SLAIN2: variants seen among roughly 807,000 people sequenced by gnomAD.
The protein encoded by SLAIN2 is SLAIN motif-containing protein 2.
Under a neutral mutation model 56.6 loss-of-function variants are expected in SLAIN2, and 31 were observed. The ratio of observed to expected loss-of-function variants is 0.55; its 90% confidence interval spans 0.41 to 0.74. The LOEUF (loss-of-function observed/expected upper bound fraction) is 0.74. SLAIN2 is among the 30% of genes least tolerant of loss of function. The pLI, the probability that SLAIN2 is intolerant of heterozygous loss-of-function variation, is 0.00. For synonymous variants in SLAIN2, 317 were observed against 284.9 expected (o/e 1.11, Z -1.13); for missense variants, 777 against 754.2 (o/e 1.03, Z -0.35).
intron 3 of SLAIN2, among the ~76,000 whole-genome samples, chr4:48,379,459 A>AT (rs1259834531): frequency 6.6e-6 from 1 of 152,124 alleles, no homozygotes. Context: ...AAGAGAATAG[A>AT]TAAGTTATAC....
chr4:48,343,254 C>T (rs1714774511), intron 1 of SLAIN2, among the ~76,000 whole-genome samples: 1 of 152,192 alleles, frequency 6.6e-6, no homozygotes, highest in Admixed American at 6.5e-5. Flanking sequence ...CTCTGAGGCT[C>T]ACTTTCTTCT....
intron 2 of SLAIN2, among the ~76,000 whole-genome samples, chr4:48,371,123 T>G (rs1715654015): frequency 6.6e-6 from 1 of 150,402 alleles, no homozygotes; most frequent in Admixed American, 6.6e-5. Context: ...TTTTTTTTTT[T>G]GATATGGAGT....
chr4:48,365,386 G>T (rs1004353494), intron 1 of SLAIN2, among the ~76,000 whole-genome samples: 1 of 129,526 alleles, frequency 7.7e-6, no homozygotes, highest in African/African-American at 2.9e-5. Context: ...AGAACAGCTT[G>T]AACCTGGGAA....
intron 1 of SLAIN2, among the ~76,000 whole-genome samples, chr4:48,360,894 C>G (rs1237088112): frequency 6.6e-6 from 1 of 152,202 alleles, no homozygotes; most frequent in African/African-American, 2.4e-5. Context: ...GCTTCTTTTA[C>G]TTAGCATAAT....
At chr4:48,361,736 A>T (rs1379071308) in intron 1 of SLAIN2, among the ~76,000 whole-genome samples, 1 of 152,072 alleles carries the variant, frequency 6.6e-6, no homozygotes, top group African/African-American at 2.4e-5. Flanking sequence ...TTTTCTAGGG[A>T]TATGTTGATT....
intron 1 of SLAIN2, among the ~76,000 whole-genome samples, chr4:48,355,224 CTT>C (rs1372851932): frequency 2.6e-5 from 4 of 152,216 alleles, no homozygotes; most frequent in African/African-American, 9.6e-5. Flanking sequence ...GCCACGCTCT[CTT>C]ATGATTCTTC....
At chr4:48,409,389 A>G (rs1446265117) in intron 6 of SLAIN2, among the ~76,000 whole-genome samples, 1 of 152,186 alleles carries the variant, frequency 6.6e-6, no homozygotes, top group African/African-American at 2.4e-5. Context: ...TTAGGTTTGC[A>G]TAAGTACACT....
chr4:48,358,050 A>G (rs913877509), intron 1 of SLAIN2, among the ~76,000 whole-genome samples: 7 of 152,126 alleles, frequency 4.6e-5, no homozygotes, highest in African/African-American at 1.2e-4. Context: ...TAGCAATGCT[A>G]TTAGGCAGTA....
Position 48,425,976 on chromosome 4 carries a change from C to T in SLAIN2, c.*3899C>T, listed in dbSNP as rs1194877170. 1.3e-5 allele frequency: 2 copies of T among 152,116 alleles called. No individual in the cohort carries two copies. Among genetic ancestry groups the T allele is most frequent in the Non-Finnish European group, 2.9e-5 (2 of 68,002 alleles). The allele number at this position is 152,116 out of a possible 1,614,324, so 9.4% of individuals were successfully genotyped here. ...TTCTCTTTAAAAGAAATAAAAAAATCTGTTTCTTCTGATTTCGAAAGTAAT... is the reference window on the plus strand; with the variant it reads ...TTCTCTTTAAAAGAAATAAAAAAATTTGTTTCTTCTGATTTCGAAAGTAAT... On this transcript the variant is annotated 3_prime_UTR_variant, in exon 8 of 8. Transcript: ENST00000264313.
chr4:48,360,688 C>T lies in SLAIN2; in HGVS notation c.390-9161C>T, dbSNP rs75996273. Among the ~76,000 whole-genome samples, 816 of 152,288 alleles carry T rather than the reference C, an allele frequency of 5.4e-3. 10 individuals carry two copies. The highest frequency in any genetic ancestry group is 0.019 in the African/African-American group (769 of 41,544). ...TTAACGTATTCACAGAATAGTACAACCATCACCATAATTTAGTTTTATAGT... is the reference window on the plus strand; with the variant it reads ...TTAACGTATTCACAGAATAGTACAATCATCACCATAATTTAGTTTTATAGT... On this transcript the variant is annotated intron_variant, in intron 1 of 7. Coordinates refer to ENST00000264313, the MANE Select transcript of SLAIN2 (RefSeq NM_020846.2).
At chr4:48,348,872 T>C (rs998857489) in intron 1 of SLAIN2, among the ~76,000 whole-genome samples, 3 of 152,162 alleles carry the variant, frequency 2.0e-5, no homozygotes, top group African/African-American at 7.2e-5. Flanking sequence ...TGAAAACCAT[T>C]AGAAGTCATT....
intron 6 of SLAIN2, among the ~76,000 whole-genome samples, chr4:48,402,801 C>A (rs1371501395): frequency 6.6e-6 from 1 of 152,214 alleles, no homozygotes; most frequent in African/African-American, 2.4e-5. Flanking sequence ...AATACAAATT[C>A]TGGCTTTTTG....
intron 3 of SLAIN2, 126 bp downstream of exon 3, chr4:48,378,186 ATATCG>A (rs1715878293): frequency 8.7e-7 from 1 of 1,146,208 alleles, no homozygotes; most frequent in Non-Finnish European, 1.2e-6. Flanking sequence ...GTTAAAGAAA[ATATCG>A]TTGAGGAGCA....
chr4:48,409,777 G>A (rs1217433547), intron 6 of SLAIN2, among the ~76,000 whole-genome samples: 1 of 152,086 alleles, frequency 6.6e-6, no homozygotes, highest in East Asian at 1.9e-4. Flanking sequence ...TCAGCTACCC[G>A]GAAGGCTGAG....
At chr4:48,403,268 C>G (rs1716602977) in intron 6 of SLAIN2, among the ~76,000 whole-genome samples, 1 of 152,140 alleles carries the variant, frequency 6.6e-6, no homozygotes, top group African/African-American at 2.4e-5. Flanking sequence ...GGGGGGATCC[C>G]CTTTTGTCCA....
chr4:48,367,806 C>T (rs78352208), intron 1 of SLAIN2, among the ~76,000 whole-genome samples: 2,602 of 151,974 alleles, frequency 0.017, 73 homozygotes, highest in African/African-American at 0.06. Context: ...AATCAACATA[C>T]CATAAAAGTC....
At chr4:48,378,117 A>G in intron 3 of SLAIN2, 57 bp downstream of exon 3, 2 of 1,519,402 alleles carry the variant, frequency 1.3e-6, no homozygotes, top group Non-Finnish European at 1.8e-6. Context: ...ACTGCACTGT[A>G]TCAGAAAATA....
chr4:48,358,265 T>C (rs565558101), intron 1 of SLAIN2, among the ~76,000 whole-genome samples: 5 of 152,100 alleles, frequency 3.3e-5, no homozygotes, highest in Non-Finnish European at 5.9e-5. Flanking sequence ...GCCTGACATG[T>C]AATGAGCATT....
At chr4:48,380,761 G>A (rs1198852622) in intron 4 of SLAIN2, among the ~76,000 whole-genome samples, 1 of 152,110 alleles carries the variant, frequency 6.6e-6, no homozygotes, top group Non-Finnish European at 1.5e-5. Flanking sequence ...ATGTTGACAA[G>A]TCTTGACAGG....
Sources: gnomAD v4.1 joint callset for allele counts (sites outside exome capture counted in the v4.1 genomes callset) on GRCh38, gnomAD v4.1.1 for gene constraint, MANE v1.5 for transcripts, NCBI Gene and HGNC (gene_info 2026-07-23, HGNC 2026-07-21) for gene names.